Variants in FAM161A observed in about 807,000 individuals in gnomAD.
FAM161A encodes FAM161 centrosomal protein A.
FAM161A carries 57 observed loss-of-function variants against 70.9 expected under a neutral mutation model. The observed-to-expected ratio is 0.80, with a 90% confidence interval of 0.65 to 1.00. FAM161A has a LOEUF of 1.00. Ranked by LOEUF, FAM161A falls within the 50% of genes least tolerant of loss-of-function variation. The pLI is 0.00. For synonymous variants in FAM161A, 299 were observed against 295.7 expected, an observed-to-expected ratio of 1.01 and a Z score of -0.12; for missense variants, 880 against 836.0, an observed-to-expected ratio of 1.05 and a Z score of -0.65.
At chr2:61,805,409 G>A in the FAM161A span, among the ~76,000 whole-genome samples, 6 of 152,222 alleles carry the variant, frequency 3.9e-5, no homozygotes, top group South Asian at 4.1e-4. Flanking sequence ...CCAGCTACTC[G>A]GGAGGCTGAG....
At chr2:61,832,245 AC>A (rs1478714050) in intron 5 of FAM161A, among the ~76,000 whole-genome samples, 3 of 148,898 alleles carry the variant, frequency 2.0e-5, no homozygotes, top group Non-Finnish European at 4.5e-5. Flanking sequence ...CCTGTCACAC[AC>A]ACACAAAAAA....
At chr2:61,847,008 A>AC (rs397751539) in intron 1 of FAM161A, 6 of 432,756 alleles carry the variant, frequency 1.4e-5, no homozygotes, top group South Asian at 3.3e-5. Context: ...TACTAAAAAC[A>AC]AAACTTAGTC....
At chr2:61,807,779 T>C in the FAM161A span, among the ~76,000 whole-genome samples, 2 of 151,858 alleles carry the variant, frequency 1.3e-5, no homozygotes, top group Non-Finnish European at 2.9e-5. Flanking sequence ...TAGCTGGGAC[T>C]ACAGGCACAC....
chr2:61,825,112 T>C lies in FAM161A; in HGVS notation c.*1343A>G, dbSNP rs1275525927. On this transcript the variant is annotated 3_prime_UTR_variant, in exon 7 of 7. Transcript: ENST00000404929. ...TGGAAACACTGCTATTACATACACC[T>C]GTATTAGTTCATCCTTTTAAAATGA... The C allele has an allele frequency of 4.4e-6, 2 of 451,270 alleles. No individual in the cohort carries two copies. The highest frequency in any genetic ancestry group is 8.8e-6 in the Non-Finnish European group (2 of 226,090). The allele number at this position is 451,270 out of a possible 1,614,324, so 28.0% of individuals were successfully genotyped here. A position where few individuals can be genotyped will look rare whatever the true frequency, so the allele number is the denominator to read the frequency against.
chr2:61,815,830 C>G, the FAM161A span, among the ~76,000 whole-genome samples: 3 of 151,876 alleles, frequency 2.0e-5, no homozygotes, highest in African/African-American at 7.2e-5. Context: ...GGATTACAGG[C>G]GTGAGCCACC....
chr2:61,821,333 G>A (rs1034797750), downstream of FAM161A, among the ~76,000 whole-genome samples: 2 of 152,148 alleles, frequency 1.3e-5, no homozygotes, highest in African/African-American at 2.4e-5. Flanking sequence ...TTACAGGCGT[G>A]AGCCACTGCG....
intron 1 of FAM161A, chr2:61,847,011 A>AG: frequency 4.6e-6 from 2 of 431,278 alleles, no homozygotes; most frequent in South Asian, 3.3e-5. Flanking sequence ...TAAAAACAAA[A>AG]CTTAGTCGGG....
intron 5 of FAM161A, among the ~76,000 whole-genome samples, chr2:61,829,839 G>A (rs946758937): frequency 1.3e-5 from 2 of 152,134 alleles, no homozygotes; most frequent in South Asian, 2.1e-4. Flanking sequence ...TATTGTGTTA[G>A]GGAATCACTC....
rs1207871398 is a variant in FAM161A at position 61,849,060 on chromosome 2, A to T, written c.183+4799T>A. Among the ~76,000 whole-genome samples, 14 of 24,450 alleles carry T rather than the reference A, an allele frequency of 5.7e-4. 7 individuals are homozygous for T. Among genetic ancestry groups the T allele is most frequent in the African/African-American group, 2.7e-3 (14 of 5,116 alleles). 16.0% of individuals were successfully genotyped at this position (24,450 alleles called of 152,430 possible). A position where few individuals can be genotyped will look rare whatever the true frequency, so the allele number is the denominator to read the frequency against. On this transcript the variant is annotated intron_variant, in intron 1 of 6. Coordinates refer to ENST00000404929, the MANE Select transcript of FAM161A (RefSeq NM_001201543.2). ...TATTTATATATTTATATATATTTAT[A>T]TATATATAAATATATATATTTATAT... is the stretch of plus-strand genomic sequence containing the variant.
chr2:61,809,349 T>C, the FAM161A span, among the ~76,000 whole-genome samples: 6 of 152,216 alleles, frequency 3.9e-5, no homozygotes, highest in African/African-American at 1.4e-4. Context: ...ATTCCTTATA[T>C]GCTCTTGTCC....
Position 61,853,916 on chromosome 2 carries a change from C to T in FAM161A, c.126G>A (p.Ala42=), listed in dbSNP as rs1414344992. 6.2e-7 allele frequency: 1 copy of T among 1,614,008 alleles called. No individual in the cohort carries two copies. Among genetic ancestry groups the T allele is most frequent in the African/African-American group, 1.3e-5 (1 of 75,058 alleles). The change falls in exon 1 of 7, where the codon GCG becomes GCA. Residue 42 remains alanine (A), a synonymous_variant. Coordinates refer to ENST00000404929, the MANE Select transcript of FAM161A (RefSeq NM_001201543.2). ...CCTCTTCGTCCTCCAAGATCGCCTC[C>T]GCTGCCGCCAGGGCCTTTAAGGGGT... ...REDPLKALAA[A]EAILEDEEEE...
At chr2:61,824,289 C>T (rs186677450), downstream of FAM161A, among the ~76,000 whole-genome samples, 4 of 151,394 alleles carry the variant, frequency 2.6e-5, no homozygotes, top group East Asian at 7.8e-4. Flanking sequence ...CCACCCATCT[C>T]GGCCTCCCAA....
chr2:61,814,838 T>C, the FAM161A span, among the ~76,000 whole-genome samples: 1 of 152,210 alleles, frequency 6.6e-6, no homozygotes, highest in African/African-American at 2.4e-5. Context: ...GCCAACCTCT[T>C]CTCCTTCAAA....
In FAM161A at chr2:61,839,426, G is replaced by A. The variant is rs776174179; in HGVS notation, c.1578C>T (p.Ala526=). Residue 526 remains alanine, a synonymous_variant, in exon 3 of 7, where the codon GCC becomes GCT. Coordinates refer to ENST00000404929, the MANE Select transcript of FAM161A (RefSeq NM_001201543.2). ...PTVSSRGREQ[A]VRRSLEEKKM... ...ACTGCGTCCTACTTACTTACCTTAC[G>A]GCTTGTTCTCGTCCTCTGGAAGATA... 1.1e-5 allele frequency: 17 copies of A among 1,613,980 alleles called. No homozygotes were observed. Among genetic ancestry groups the A allele is most frequent in the South Asian group, 4.4e-5 (4 of 91,062 alleles).
chr2:61,809,987 C>T, the FAM161A span, among the ~76,000 whole-genome samples: 1 of 152,194 alleles, frequency 6.6e-6, no homozygotes, highest in East Asian at 1.9e-4. Flanking sequence ...TGGAGGGCAT[C>T]TTAAACCTTC....
the FAM161A span, chr2:61,803,173 G>A: frequency 3.9e-6 from 2 of 507,294 alleles, no homozygotes; most frequent in East Asian, 4.5e-5. Flanking sequence ...TCCCGGGAAG[G>A]CAACAGTGCC....
At position 61,839,682 on chromosome 2, in the gene FAM161A, T is replaced by TG. The variant is rs1316281505; in HGVS notation, c.1321dup (p.His441ProfsTer15). 14 of 1,614,102 alleles carry TG rather than the reference T, an allele frequency of 8.7e-6. No homozygotes were observed. Among genetic ancestry groups the TG allele is most frequent in the Non-Finnish European group, 1.2e-5 (14 of 1,180,050 alleles). On this transcript the variant is annotated frameshift_variant, in exon 3 of 7. Transcript: ENST00000404929. LOFTEE classifies it high-confidence loss of function. ...TTTTGGAGACTTGTGTTCTGAGAGG[T>TG]GTTTCTGGTATCTCTCAGGAAGGTC...
chr2:61,836,274 C>G, intron 4 of FAM161A, 165 bp from the exon 5 acceptor site: 1 of 616,610 alleles, frequency 1.6e-6, no homozygotes, highest in Non-Finnish European at 2.9e-6. Context: ...CACAGTTTAC[C>G]TCGATTCCTC....
chr2:61,835,103 C>T (rs1460904423), intron 5 of FAM161A, among the ~76,000 whole-genome samples: 1 of 152,194 alleles, frequency 6.6e-6, no homozygotes, highest in Non-Finnish European at 1.5e-5. Context: ...GATTCACCCA[C>T]AATACATGTC....
Sources: allele counts gnomAD v4.1 joint callset (sites outside exome capture counted in the v4.1 genomes callset), GRCh38; gene constraint gnomAD v4.1.1; transcripts MANE v1.5; gene names NCBI Gene and HGNC (gene_info 2026-07-23, HGNC 2026-07-21).